The following SLC24A2 variants were observed in gnomAD, a reference collection of about 807,000 sequenced individuals.
SLC24A2 encodes the protein solute carrier family 24 member 2, also known as sodium/potassium/calcium exchanger 2.
SLC24A2 carries 36 observed loss-of-function variants against 62.0 expected under a neutral mutation model. That is an observed-to-expected ratio of 0.58 (90% CI 0.44 to 0.77). SLC24A2 has a LOEUF of 0.77. SLC24A2 is among the 30% of genes least tolerant of loss of function. The pLI is 0.00. For missense variants in SLC24A2, 846 were observed against 817.9 expected (o/e 1.03, Z -0.42); for synonymous variants, 358 against 294.0 (o/e 1.22, Z -2.23).
the SLC24A2 span, among the ~76,000 whole-genome samples, chr9:20,045,291 CT>C: frequency 6.6e-6 from 1 of 152,116 alleles, no homozygotes; most frequent in Admixed American, 6.5e-5. Context: ...GCACAGATTT[CT>C]CAGAGAGCGT....
At chr9:20,190,716 T>C in the SLC24A2 span, among the ~76,000 whole-genome samples, 1 of 152,112 alleles carries the variant, frequency 6.6e-6, no homozygotes, top group Non-Finnish European at 1.5e-5. Flanking sequence ...GAGCTTGAAA[T>C]CTGGAATTAA....
chr9:20,119,992 A>T, the SLC24A2 span, among the ~76,000 whole-genome samples: 1 of 152,160 alleles, frequency 6.6e-6, no homozygotes, highest in African/African-American at 2.4e-5. Flanking sequence ...TGAGATCAAG[A>T]GCATCGGCAG....
At chr9:19,988,965 C>G in the SLC24A2 span, among the ~76,000 whole-genome samples, 712 of 152,262 alleles carry the variant, frequency 4.7e-3, 2 homozygotes, top group Non-Finnish European at 6.2e-3. Flanking sequence ...AGGAAGCTAA[C>G]TTTCTTAAGT....
intron 2 of SLC24A2, among the ~76,000 whole-genome samples, chr9:19,747,819 T>C (rs1379862045): frequency 2.6e-5 from 4 of 152,180 alleles, no homozygotes; most frequent in African/African-American, 9.6e-5. Context: ...TGACAGGAAG[T>C]GACTGGAGCT....
the SLC24A2 span, among the ~76,000 whole-genome samples, chr9:19,993,405 A>G: frequency 1.3e-5 from 2 of 152,268 alleles, no homozygotes; most frequent in South Asian, 4.2e-4. Context: ...TTTCCTCTAA[A>G]CCACAAGAAA....
chr9:20,162,408 C>T, the SLC24A2 span, among the ~76,000 whole-genome samples: 2 of 151,912 alleles, frequency 1.3e-5, no homozygotes, highest in African/African-American at 4.8e-5. Flanking sequence ...GAAACACATA[C>T]ACCCTCCCAA....
the SLC24A2 span, among the ~76,000 whole-genome samples, chr9:20,134,690 G>T: frequency 6.6e-6 from 1 of 152,114 alleles, no homozygotes; most frequent in Non-Finnish European, 1.5e-5. Flanking sequence ...TCTAATAAAG[G>T]CTGGAACTAT....
chr9:19,682,516 G>A (rs907968873), intron 2 of SLC24A2, among the ~76,000 whole-genome samples: 1 of 152,082 alleles, frequency 6.6e-6, no homozygotes, highest in Admixed American at 6.6e-5. Flanking sequence ...CCAAACCACA[G>A]AAGTGGAACA....
At chr9:20,198,625 T>A in the SLC24A2 span, among the ~76,000 whole-genome samples, 1 of 152,026 alleles carries the variant, frequency 6.6e-6, no homozygotes, top group African/African-American at 2.4e-5. Context: ...GAGAGGCAAT[T>A]TGTGGAACAC....
chr9:20,277,798 G>A, the SLC24A2 span, among the ~76,000 whole-genome samples: 1 of 152,286 alleles, frequency 6.6e-6, no homozygotes, highest in African/African-American at 2.4e-5. Flanking sequence ...TATGTTTACT[G>A]CAGCACTGTT....
At chr9:20,123,968 T>C in the SLC24A2 span, among the ~76,000 whole-genome samples, 1 of 152,314 alleles carries the variant, frequency 6.6e-6, no homozygotes, top group Admixed American at 6.5e-5. Flanking sequence ...AAACCTTGGC[T>C]TCTTCCCTAT....
chr9:20,155,499 G>A, the SLC24A2 span, among the ~76,000 whole-genome samples: 1 of 151,702 alleles, frequency 6.6e-6, no homozygotes, highest in Admixed American at 6.6e-5. Context: ...TGTTTCAGAT[G>A]TAACTAAAGG....
the SLC24A2 span, among the ~76,000 whole-genome samples, chr9:20,306,870 G>A: frequency 6.6e-6 from 1 of 151,868 alleles, no homozygotes; most frequent in Non-Finnish European, 1.5e-5. Context: ...CTAATTTTTT[G>A]TATTTTTAGT....
the SLC24A2 span, among the ~76,000 whole-genome samples, chr9:20,244,662 C>T: frequency 4.6e-5 from 7 of 152,320 alleles, no homozygotes; most frequent in South Asian, 1.4e-3. Flanking sequence ...AGAGAAATTA[C>T]TCTCCTCACC....
chr9:19,690,644 G>C (rs1820016737), intron 2 of SLC24A2, among the ~76,000 whole-genome samples: 1 of 152,180 alleles, frequency 6.6e-6, no homozygotes, highest in Non-Finnish European at 1.5e-5. Flanking sequence ...GGCCTCCTTA[G>C]ATCTAGCCAT....
the SLC24A2 span, among the ~76,000 whole-genome samples, chr9:20,185,088 G>T: frequency 6.6e-6 from 1 of 152,130 alleles, no homozygotes; most frequent in Non-Finnish European, 1.5e-5. Flanking sequence ...TCTGTGTTGA[G>T]CAGGGAGGGA....
the SLC24A2 span, among the ~76,000 whole-genome samples, chr9:20,219,760 G>A: frequency 6.6e-6 from 1 of 152,154 alleles, no homozygotes; most frequent in Non-Finnish European, 1.5e-5. Context: ...GTCCAAGACT[G>A]AAAATTTACT....
the SLC24A2 span, among the ~76,000 whole-genome samples, chr9:19,944,978 G>T: frequency 6.6e-6 from 1 of 152,038 alleles, no homozygotes; most frequent in South Asian, 2.1e-4. Context: ...TCTCTAATTT[G>T]GATGAACTGG....
At chr9:19,994,810 G>C in the SLC24A2 span, among the ~76,000 whole-genome samples, 9 of 152,288 alleles carry the variant, frequency 5.9e-5, no homozygotes, top group Admixed American at 4.6e-4. Flanking sequence ...CCTAGAACCA[G>C]CTTATGCTAT....
Sources: gnomAD v4.1 joint callset for allele counts (sites outside exome capture counted in the v4.1 genomes callset) on GRCh38, gnomAD v4.1.1 for gene constraint, MANE v1.5 for transcripts, NCBI Gene and HGNC (gene_info 2026-07-23, HGNC 2026-07-21) for gene names.